The following EIPR1 variants were observed in gnomAD, a reference collection of about 807,000 sequenced individuals.
The protein encoded by EIPR1 is EARP complex and GARP complex interacting protein 1.
In EIPR1, 25 loss-of-function variants were observed where a neutral mutation model predicts 48.1. The observed-to-expected ratio is 0.52, with a 90% CI of 0.38 to 0.73. The LOEUF is 0.73. Among genes scored for constraint, EIPR1 ranks in the 30% least tolerant of loss-of-function variants. The pLI is 0.00. For synonymous variants in EIPR1, 204 were observed against 201.9 expected (o/e 1.01, Z -0.09); for missense variants, 415 against 506.2 (o/e 0.82, Z 1.73).
At chr2:3,272,732 T>A (rs535423655) in intron 3 of EIPR1, among the ~76,000 whole-genome samples, 2 of 152,232 alleles carry the variant, frequency 1.3e-5, no homozygotes, top group African/African-American at 4.8e-5. Context: ...ATTATCAAAA[T>A]GTGCCACAGA....
intron 4 of EIPR1, among the ~76,000 whole-genome samples, chr2:3,240,660 CCTTCCTCAAGAACA>C (rs1666582467): frequency 7.8e-6 from 1 of 128,140 alleles, no homozygotes; most frequent in Non-Finnish European, 1.7e-5. Flanking sequence ...GCCAGCAGAT[CCTTCCTCAAGAACA>C]GTGAGCAGGT....
chr2:3,248,430 C>A (rs1310843314), intron 4 of EIPR1, among the ~76,000 whole-genome samples: 1 of 152,186 alleles, frequency 6.6e-6, no homozygotes, highest in Non-Finnish European at 1.5e-5. Context: ...GCTGTCTCTA[C>A]TAAAAGTACA....
rs575144788 is a variant in EIPR1 at position 3,310,549 on chromosome 2, A to G, written c.259+27468T>C. Among the ~76,000 whole-genome samples the G allele has an allele frequency of 3.9e-3, 560 of 142,298 alleles. 7 individuals carry two copies. Among genetic ancestry groups the G allele is most frequent in the African/African-American group, 0.014 (533 of 37,694 alleles). 93.4% of individuals were successfully genotyped at this position (142,298 alleles called of 152,430 possible). ...GCGCCTGTAGTCCCAGCTACTTGGG[A>G]GGCTGAGGCAGGAGAATGGCGTGAA... On this transcript the variant is annotated intron_variant, in intron 3 of 8. Transcript: ENST00000382125.
At chr2:3,330,834 T>C (rs925301070) in intron 3 of EIPR1, among the ~76,000 whole-genome samples, 3 of 145,474 alleles carry the variant, frequency 2.1e-5, no homozygotes, top group East Asian at 4.2e-4. Flanking sequence ...ACACTCGAGA[T>C]GGTGTGAGCA....
chr2:3,302,223 G>A (rs1003081007), intron 3 of EIPR1, among the ~76,000 whole-genome samples: 1 of 152,128 alleles, frequency 6.6e-6, no homozygotes, highest in Non-Finnish European at 1.5e-5. Flanking sequence ...TGAGTTTAAC[G>A]AGGGTGCCTC....
At chr2:3,274,541 G>A (rs1294611631) in intron 3 of EIPR1, 3 of 1,311,908 alleles carry the variant, frequency 2.3e-6, no homozygotes, top group East Asian at 2.9e-5. Context: ...TTAAAACCAT[G>A]AGAATTTACC....
chr2:3,238,952 A>C (rs1000956841), intron 4 of EIPR1, among the ~76,000 whole-genome samples: 7 of 152,242 alleles, frequency 4.6e-5, no homozygotes, highest in Non-Finnish European at 8.8e-5. Context: ...AAACTCCCAG[A>C]GGCTTCCTTC....
chr2:3,208,634 C>T, intron 5 of EIPR1: 1 of 1,550,630 alleles, frequency 6.4e-7, no homozygotes, highest in Non-Finnish European at 8.7e-7. Flanking sequence ...CCATGGCATT[C>T]TGGTATGCTT....
rs546585707 is a variant in EIPR1 at position 3,353,792 on chromosome 2, T to C, written c.126+758A>G. 3.3e-5 allele frequency among the ~76,000 whole-genome samples: 5 copies of C among 152,284 alleles called. No individual in the cohort carries two copies. In the South Asian group the frequency reaches 1.0e-3, roughly 32 times the overall value. Reference sequence around the variant, plus strand: ...CGACATACGAGAGTGACAGTTTCACTACATCCTATCCAGGCCTGCGTATTC... The same window carrying C: ...CGACATACGAGAGTGACAGTTTCACCACATCCTATCCAGGCCTGCGTATTC... On this transcript the variant is annotated intron_variant, in intron 2 of 8. Transcript: ENST00000382125.
At chr2:3,290,408 G>A (rs181309609) in intron 3 of EIPR1, among the ~76,000 whole-genome samples, 64 of 152,332 alleles carry the variant, frequency 4.2e-4, no homozygotes, top group African/African-American at 1.5e-3. Flanking sequence ...ATGTGACAGC[G>A]GGTTGGGTGA....
chr2:3,250,277 C>T (rs1441100421), intron 4 of EIPR1, among the ~76,000 whole-genome samples: 8 of 152,336 alleles, frequency 5.3e-5, no homozygotes, highest in South Asian at 2.1e-4. Flanking sequence ...GTGCCCTGGA[C>T]GTAGGACATG....
intron 4 of EIPR1, among the ~76,000 whole-genome samples, chr2:3,220,041 G>A (rs1250772241): frequency 6.6e-6 from 1 of 152,196 alleles, no homozygotes; most frequent in African/African-American, 2.4e-5. Context: ...TGTGAACTGT[G>A]CATGAGAGGG....
chr2:3,310,795 T>C (rs1337728359), intron 3 of EIPR1, among the ~76,000 whole-genome samples: 3 of 152,102 alleles, frequency 2.0e-5, no homozygotes. Context: ...GTCTCAATGG[T>C]ATACAAATAT....
intron 3 of EIPR1, among the ~76,000 whole-genome samples, chr2:3,301,731 T>C (rs772934406): frequency 9.9e-5 from 15 of 152,210 alleles, no homozygotes; most frequent in Non-Finnish European, 2.1e-4. Flanking sequence ...GGTGATAAAA[T>C]AACACAGTAG....
At chr2:3,258,798 G>A (rs1667241245) in intron 3 of EIPR1, among the ~76,000 whole-genome samples, 1 of 151,744 alleles carries the variant, frequency 6.6e-6, no homozygotes, top group South Asian at 2.1e-4. Flanking sequence ...TACCATATTG[G>A]GTCTAAAAGA....
intron 3 of EIPR1, among the ~76,000 whole-genome samples, chr2:3,273,519 T>TCA (rs1488084102): frequency 1.8e-5 from 2 of 109,766 alleles, no homozygotes; most frequent in East Asian, 3.0e-4. Flanking sequence ...TAGAAAAATG[T>TCA]CACACACACG....
chr2:3,194,954 T>G (rs1664757427), intron 6 of EIPR1, among the ~76,000 whole-genome samples: 1 of 152,212 alleles, frequency 6.6e-6, no homozygotes, highest in African/African-American at 2.4e-5. Flanking sequence ...CTGTTCACAG[T>G]GCGTGCGTTC....
chr2:3,332,462 A>T (rs924495137), intron 3 of EIPR1, among the ~76,000 whole-genome samples: 1 of 152,202 alleles, frequency 6.6e-6, no homozygotes, highest in African/African-American at 2.4e-5. Flanking sequence ...TCCAGGTCCA[A>T]TTGAGACCTG....
At chr2:3,266,622 AGGAGGCAGCAG>A (rs1347709107) in intron 3 of EIPR1, among the ~76,000 whole-genome samples, 3 of 152,222 alleles carry the variant, frequency 2.0e-5, no homozygotes, top group African/African-American at 7.2e-5. Flanking sequence ...TCTGCTGGCC[AGGAGGCAGCAG>A]GAGGTGGTGC....
Sources: allele counts gnomAD v4.1 joint callset (sites outside exome capture counted in the v4.1 genomes callset), GRCh38; gene constraint gnomAD v4.1.1; transcripts MANE v1.5; gene names NCBI Gene and HGNC (gene_info 2026-07-23, HGNC 2026-07-21).